Variants in PDE3B observed in about 807,000 individuals in gnomAD.
PDE3B encodes cGMP-inhibited 3',5'-cyclic phosphodiesterase 3B.
In PDE3B, 66 loss-of-function variants were observed where a neutral mutation model predicts 116.8. The ratio of observed to expected loss-of-function variants is 0.56; its 90% confidence interval spans 0.46 to 0.69. The LOEUF (loss-of-function observed/expected upper bound fraction) is 0.69, where lower values mean the gene tolerates loss of function less well. Ranked by LOEUF, PDE3B falls within the 30% of genes least tolerant of loss-of-function variation. PDE3B has a pLI of 0.00. For synonymous variants in PDE3B, 595 were observed against 533.6 expected (o/e 1.12, Z -1.59); for missense variants, 1,384 against 1,368.1 (o/e 1.01, Z -0.18).
chr11:14,697,587 T>G (rs1209484168), intron 1 of PDE3B, among the ~76,000 whole-genome samples: 1 of 152,112 alleles, frequency 6.6e-6, no homozygotes, highest in Non-Finnish European at 1.5e-5. Context: ...GTATGTAATT[T>G]TTAGGATCCT....
In PDE3B at chr11:14,803,966, C is replaced by A; in HGVS notation, c.1438C>A (p.Pro480Thr). ...TAGTCAAGGATGCTATCTAAATGGG[C>A]CTTTTAATTCAAATCTACTGACTAT... Reference protein sequence around the residue: ...ISSQGCYLNGPFNSNLLTIPK... With the variant: ...ISSQGCYLNGTFNSNLLTIPK... The change falls in exon 5 of 16, where the codon CCT becomes ACT. Residue 480 changes from proline to threonine, a missense_variant. Physicochemically the swap from Pro to Thr is conservative, Grantham distance 38. Coordinates refer to ENST00000282096, the MANE Select transcript of PDE3B (RefSeq NM_000922.4). The A allele has an allele frequency of 6.2e-7, 1 of 1,604,634 alleles. No homozygotes were observed. The highest frequency in any genetic ancestry group is 8.5e-7 in the Non-Finnish European group (1 of 1,171,478).
chr11:14,644,050 T>A lies in PDE3B; in HGVS notation c.-26T>A. ...TACGGTACGAGCGGGGTGTGCTGAG[T>A]CCCGTGGCCACCCCCGGCCCCAGCC... On this transcript the variant is annotated 5_prime_UTR_variant, in exon 1 of 16. Coordinates refer to ENST00000282096, the MANE Select transcript of PDE3B (RefSeq NM_000922.4). 6.8e-7 allele frequency: 1 copy of A among 1,470,936 alleles called. No homozygotes were observed. The highest frequency in any genetic ancestry group is 1.5e-5 in the African/African-American group (1 of 68,376). The allele number at this position is 1,470,936 out of a possible 1,614,324, so 91.1% of individuals were successfully genotyped here.
chr11:14,771,031 A>G (rs1434725788), intron 1 of PDE3B, among the ~76,000 whole-genome samples: 1 of 151,684 alleles, frequency 6.6e-6, no homozygotes, highest in Non-Finnish European at 1.5e-5. Flanking sequence ...AGCACCAAAT[A>G]AGATCTTTTG....
At chr11:14,683,143 T>C (rs1345881752) in intron 1 of PDE3B, among the ~76,000 whole-genome samples, 1 of 152,144 alleles carries the variant, frequency 6.6e-6, no homozygotes, top group Non-Finnish European at 1.5e-5. Flanking sequence ...TTTCTCCATG[T>C]TGATCAGGCT....
intron 12 of PDE3B, among the ~76,000 whole-genome samples, chr11:14,851,736 C>G (rs1847758441): frequency 6.6e-6 from 1 of 152,066 alleles, no homozygotes; most frequent in East Asian, 1.9e-4. Context: ...GAATCAGATG[C>G]CCATTCTCTC....
At chr11:14,727,413 C>T (rs933730442) in intron 1 of PDE3B, among the ~76,000 whole-genome samples, 1 of 151,994 alleles carries the variant, frequency 6.6e-6, no homozygotes, top group African/African-American at 2.4e-5. Context: ...AGGTAATTTC[C>T]TCAAGATCAT....
At chr11:14,688,097 TTCTCTCTCTCTCTCTTTCTCTCTC>T (rs1266227952) in intron 1 of PDE3B, among the ~76,000 whole-genome samples, 8 of 115,758 alleles carry the variant, frequency 6.9e-5, no homozygotes, top group Non-Finnish European at 1.4e-4. Context: ...CTTTCTTTCT[TTCTCTCTCTCTCTCTTTCTCTCTC>T]TCTCTCTCTC....
intron 1 of PDE3B, among the ~76,000 whole-genome samples, chr11:14,725,563 A>C (rs61883644): frequency 1 from 59,033 of 59,126 alleles, 29,471 homozygotes; most frequent in Middle Eastern, 1. Context: ...CCTCCTGCCT[A>C]TTCTCTCCCC....
At chr11:14,852,264 C>T (rs1210385319) in intron 12 of PDE3B, among the ~76,000 whole-genome samples, 4 of 152,154 alleles carry the variant, frequency 2.6e-5, no homozygotes, top group Non-Finnish European at 4.4e-5. Flanking sequence ...CCATGTTGAC[C>T]AGGCTGGTCT....
intron 5 of PDE3B, among the ~76,000 whole-genome samples, chr11:14,805,557 T>G (rs1198477383): frequency 6.6e-6 from 1 of 152,230 alleles, no homozygotes; most frequent in East Asian, 1.9e-4. Flanking sequence ...ATACATGCAG[T>G]TTTTGTCAAT....
rs1847591922 is a variant in PDE3B, at chr11:14,845,969, G to C, written c.2520+1943G>C. 2.6e-5 allele frequency among the ~76,000 whole-genome samples: 4 copies of C among 152,226 alleles called. No homozygotes were observed. In the South Asian group the frequency reaches 8.3e-4, roughly 32 times the overall value. On this transcript the variant is annotated intron_variant, in intron 12 of 15. Coordinates refer to ENST00000282096, the MANE Select transcript of PDE3B (RefSeq NM_000922.4). ...ATCTAGCAAGGCAGGCCAACATTCA[G>C]ATTCAGGAAATACAGAGAACGCCAC...
chr11:14,661,651 T>A (rs1475557289), intron 1 of PDE3B, among the ~76,000 whole-genome samples: 2 of 152,136 alleles, frequency 1.3e-5, no homozygotes, highest in Non-Finnish European at 2.9e-5. Flanking sequence ...CACCACAAGA[T>A]TATATCCCGC....
At chr11:14,887,685 C>T in the PDE3B span, 5 of 979,854 alleles carry the variant, frequency 5.1e-6, no homozygotes, top group African/African-American at 1.8e-5. Flanking sequence ...ACCAGCCCTA[C>T]TCATAATTTT....
chr11:14,764,756 T>C (rs781231258), intron 1 of PDE3B, among the ~76,000 whole-genome samples: 1 of 151,996 alleles, frequency 6.6e-6, no homozygotes, highest in Non-Finnish European at 1.5e-5. Flanking sequence ...AATATAGTGC[T>C]GGTACACAGC....
intron 1 of PDE3B, among the ~76,000 whole-genome samples, chr11:14,712,100 T>G (rs1855720620): frequency 2.0e-5 from 3 of 152,196 alleles, no homozygotes; most frequent in Admixed American, 1.3e-4. Flanking sequence ...TTGTATATTT[T>G]TTAGAAACAG....
intron 4 of PDE3B, among the ~76,000 whole-genome samples, chr11:14,799,025 G>A (rs550240338): frequency 9.2e-5 from 14 of 152,230 alleles, no homozygotes; most frequent in Non-Finnish European, 1.8e-4. Context: ...TGTGATGTTA[G>A]GGTGTCAATT....
At chr11:14,698,609 A>G (rs948975289) in intron 1 of PDE3B, among the ~76,000 whole-genome samples, 1 of 151,874 alleles carries the variant, frequency 6.6e-6, no homozygotes, top group Non-Finnish European at 1.5e-5. Context: ...ATGTATGCAT[A>G]TTATTAGGCT....
At chr11:14,658,968 G>T (rs11023294) in intron 1 of PDE3B, among the ~76,000 whole-genome samples, 1 of 151,868 alleles carries the variant, frequency 6.6e-6, no homozygotes, top group South Asian at 2.1e-4. Context: ...AAATCACTTC[G>T]CAGGACATTT....
At chr11:14,694,677 A>G (rs932889265) in intron 1 of PDE3B, among the ~76,000 whole-genome samples, 1 of 152,216 alleles carries the variant, frequency 6.6e-6, no homozygotes, top group African/African-American at 2.4e-5. Flanking sequence ...TGGGAAACCA[A>G]AAAATTCATG....
Sources: allele counts gnomAD v4.1 joint callset (sites outside exome capture counted in the v4.1 genomes callset), GRCh38; gene constraint gnomAD v4.1.1; transcripts MANE v1.5; gene names NCBI Gene and HGNC (gene_info 2026-07-23, HGNC 2026-07-21).